The following USH2A variants were observed in gnomAD, a reference collection of about 807,000 sequenced individuals.
USH2A encodes the protein usherin.
In USH2A, 443 loss-of-function variants were observed where a neutral mutation model predicts 538.9. The observed-to-expected ratio is 0.82, with a 90% confidence interval of 0.76 to 0.89. USH2A has a LOEUF of 0.89. Ranked by LOEUF, USH2A falls within the 40% of genes least tolerant of loss-of-function variation. The pLI is 0.00. For synonymous variants in USH2A, 2,413 were observed against 2,273.5 expected, an observed-to-expected ratio of 1.06 and a Z score of -1.75; for missense variants, 6,633 against 6,324.8, an observed-to-expected ratio of 1.05 and a Z score of -1.65.
At chr1:215,860,692 T>C (rs1283069898) in intron 44 of USH2A, among the ~76,000 whole-genome samples, 1 of 152,226 alleles carries the variant, frequency 6.6e-6, no homozygotes, top group Non-Finnish European at 1.5e-5. Context: ...TCTAACATTA[T>C]ACATATTTGA....
chr1:215,856,684 T>A (rs1224150005), intron 44 of USH2A, among the ~76,000 whole-genome samples: 2 of 152,122 alleles, frequency 1.3e-5, no homozygotes, highest in Non-Finnish European at 2.9e-5. Flanking sequence ...GATTCATCAA[T>A]CCTACTCCTG....
chr1:216,339,078 A>G (rs2102675771), intron 4 of USH2A, among the ~76,000 whole-genome samples: 1 of 151,742 alleles, frequency 6.6e-6, no homozygotes, highest in East Asian at 1.9e-4. Context: ...ATTAATTGCA[A>G]TCTTCTATAA....
Position 215,779,875 on chromosome 1 carries a change from T to A in USH2A, c.10907A>T (p.Asp3636Val), listed in dbSNP as rs759660121. 1 of 1,613,964 alleles carries A rather than the reference T, an allele frequency of 6.2e-7. No homozygotes were observed. Among genetic ancestry groups the A allele is most frequent in the African/African-American group, 1.3e-5 (1 of 74,886 alleles). The stretch of plus-strand genomic sequence containing the variant: ...CGTATGCTGTCTCCTGTCAGTGGTG[T>A]CAGTGTGGATGAGACCTTTCCCAAC... ...RQVGKGLIHTDTTDRRQHTVT... is the reference protein window; with the variant it reads ...RQVGKGLIHTVTTDRRQHTVT... Residue 3636 changes from aspartate to valine, a missense_variant, in exon 55 of 72, where the codon GAC (aspartate) becomes GTC (valine). By Grantham distance (152) the Asp-to-Val change is radical. Transcript: ENST00000307340.
intron 25 of USH2A, among the ~76,000 whole-genome samples, chr1:216,084,304 T>C (rs2032050275): frequency 6.6e-6 from 1 of 152,172 alleles, no homozygotes; most frequent in African/African-American, 2.4e-5. Flanking sequence ...ATTGTTCTTC[T>C]ATATAATGAG....
chr1:215,715,546 G>A (rs187030328), intron 61 of USH2A, among the ~76,000 whole-genome samples: 1 of 152,228 alleles, frequency 6.6e-6, no homozygotes, highest in East Asian at 1.9e-4. Context: ...AGCACTAGAT[G>A]GACAGGTCTT....
At chr1:215,892,934 G>C (rs1185889028) in intron 40 of USH2A, among the ~76,000 whole-genome samples, 9 of 152,164 alleles carry the variant, frequency 5.9e-5, no homozygotes, top group Admixed American at 5.9e-4. Context: ...GATATCAGGA[G>C]AGTATTGTTT....
rs529355834 is a variant in USH2A, at chr1:216,073,121, C to A, written c.5752G>T (p.Glu1918Ter). 1.9e-6 allele frequency: 3 copies of A among 1,613,880 alleles called. No individual in the cohort carries two copies. Among genetic ancestry groups the A allele is most frequent in the Non-Finnish European group, 2.5e-6 (3 of 1,179,956 alleles). ...CCTGTAAAAGGCTGGAGACCACCCT[C>A]GTAAACACTCTGCTCTTTTCCCTGG... ...VYQGKEQSVY[E>*]GGLQPFTEYL... is the part of the protein sequence containing the mutation. Residue 1918 changes from glutamate (E) to a stop codon, truncating the protein, a stop_gained, in exon 28 of 72, where the codon GAG becomes TAG. Coordinates refer to ENST00000307340, the MANE Select transcript of USH2A (RefSeq NM_206933.4). LOFTEE classifies it high-confidence loss of function.
At chr1:215,799,181 T>G in intron 49 of USH2A, 56 bp from the exon 50 acceptor site, 15 of 1,495,594 alleles carry the variant, frequency 1.0e-5, no homozygotes, top group Non-Finnish European at 1.3e-5. Context: ...ATGCTATGAC[T>G]AACAATTAAC....
chr1:215,830,378 G>A (rs536070491), intron 47 of USH2A, among the ~76,000 whole-genome samples: 1 of 152,274 alleles, frequency 6.6e-6, no homozygotes, highest in East Asian at 1.9e-4. Context: ...CCCAACGGGG[G>A]GAAAAATCTT....
At chr1:215,694,480 G>A (rs1248306052) in intron 61 of USH2A, among the ~76,000 whole-genome samples, 2 of 152,210 alleles carry the variant, frequency 1.3e-5, no homozygotes, top group Admixed American at 6.5e-5. Flanking sequence ...GGCTGAGGCA[G>A]GAGAATGGCG....
At chr1:215,683,145 G>A (rs1035605530) in intron 61 of USH2A, among the ~76,000 whole-genome samples, 5 of 151,762 alleles carry the variant, frequency 3.3e-5, no homozygotes, top group South Asian at 2.1e-4. Flanking sequence ...CCTTGGCTGC[G>A]CAAAAGTGCT....
intron 5 of USH2A, among the ~76,000 whole-genome samples, chr1:216,327,138 G>A (rs1348322744): frequency 6.6e-6 from 1 of 152,022 alleles, no homozygotes; most frequent in African/African-American, 2.4e-5. Flanking sequence ...TTGTCTCCAA[G>A]TCTAATAGAT....
intron 38 of USH2A, among the ~76,000 whole-genome samples, chr1:215,929,134 T>C (rs1349079425): frequency 7.8e-6 from 1 of 127,422 alleles, no homozygotes; most frequent in Non-Finnish European, 1.6e-5. Flanking sequence ...ATTACTTGCT[T>C]TGGGCTAGCA....
intron 41 of USH2A, chr1:215,886,692 T>A (rs1178325925): frequency 6.6e-6 from 1 of 152,154 alleles, no homozygotes; most frequent in African/African-American, 2.4e-5. Context: ...TAAACTTCTC[T>A]AGCAGGCTGA....
intron 20 of USH2A, among the ~76,000 whole-genome samples, chr1:216,184,363 C>CA (rs1333564757): frequency 6.6e-6 from 1 of 151,808 alleles, no homozygotes; most frequent in Non-Finnish European, 1.5e-5. Context: ...TTCATGAGTC[C>CA]ATACATCAAG....
At chr1:215,843,792 A>C (rs906537052) in intron 46 of USH2A, among the ~76,000 whole-genome samples, 2 of 152,160 alleles carry the variant, frequency 1.3e-5, no homozygotes, top group Admixed American at 6.6e-5. Flanking sequence ...TGCATTCAGA[A>C]TCACAGAATG....
At chr1:215,830,215 G>C (rs7536020) in intron 47 of USH2A, among the ~76,000 whole-genome samples, 1 of 152,006 alleles carries the variant, frequency 6.6e-6, no homozygotes, top group South Asian at 2.1e-4. Flanking sequence ...TCCGGCTAGA[G>C]TATCTAGAAC....
chr1:216,196,613 A>C lies in USH2A; in HGVS notation c.4191T>G (p.Tyr1397Ter). The C allele has an allele frequency of 6.2e-7, 1 of 1,613,646 alleles. No homozygotes were observed. Among genetic ancestry groups the C allele is most frequent in the Non-Finnish European group, 8.5e-7 (1 of 1,179,728 alleles). The change falls in exon 19 of 72, where the codon TAT becomes TAG. Residue 1397 changes from tyrosine to a stop codon, truncating the protein, a stop_gained. Transcript: ENST00000307340. LOFTEE classifies it high-confidence loss of function. Reference sequence around the variant, plus strand: ...ATTGTTCAGAAAGCATATTGATGTCATACCCCACAACTTTTCCTCTTGTAA... The same window carrying C: ...ATTGTTCAGAAAGCATATTGATGTCCTACCCCACAACTTTTCCTCTTGTAA... ...DNVTRGKVVG[Y>*]DINMLSEQSP...
At chr1:216,170,194 T>C (rs2034249522) in intron 21 of USH2A, among the ~76,000 whole-genome samples, 1 of 152,166 alleles carries the variant, frequency 6.6e-6, no homozygotes, top group African/African-American at 2.4e-5. Context: ...GGCATAAATA[T>C]TATGGAGTAA....
Sources: allele counts gnomAD v4.1 joint callset (sites outside exome capture counted in the v4.1 genomes callset), GRCh38; gene constraint gnomAD v4.1.1; transcripts MANE v1.5; gene names NCBI Gene and HGNC (gene_info 2026-07-23, HGNC 2026-07-21).